Variants in PCDHA10 observed in about 807,000 individuals in gnomAD.
PCDHA10 encodes the protein protocadherin alpha 10, also known as protocadherin alpha-10.
Under a neutral mutation model 61.2 loss-of-function variants are expected in PCDHA10, and 45 were observed. That is an observed-to-expected ratio of 0.74 (90% CI 0.58 to 0.94). The LOEUF is 0.94. Ranked by LOEUF, PCDHA10 falls within the 40% of genes least tolerant of loss-of-function variation. PCDHA10 has a pLI of 0.00. For missense variants in PCDHA10, 1,278 were observed against 1,236.2 expected (o/e 1.03, Z -0.51); for synonymous variants, 602 against 548.8 (o/e 1.10, Z -1.35).
chr5:140,885,819 A>G (rs1488283542), intron 1 of PCDHA10, among the ~76,000 whole-genome samples: 1 of 152,032 alleles, frequency 6.6e-6, no homozygotes, highest in Non-Finnish European at 1.5e-5. Flanking sequence ...TTTGTATTTG[A>G]TCTTCTTTGA....
At chr5:140,955,296 G>A (rs1554221862) in intron 1 of PCDHA10, among the ~76,000 whole-genome samples, 1 of 151,904 alleles carries the variant, frequency 6.6e-6, no homozygotes, top group Admixed American at 6.6e-5. Context: ...GTTTGGCTGT[G>A]TCCCCACCCA....
chr5:140,934,534 G>A (rs1248269957), intron 1 of PCDHA10, among the ~76,000 whole-genome samples: 1 of 152,062 alleles, frequency 6.6e-6, no homozygotes, highest in Admixed American at 6.6e-5. Flanking sequence ...GAGAGCTACC[G>A]TTCTAATTCT....
At chr5:140,971,844 C>T (rs1209652703) in intron 1 of PCDHA10, among the ~76,000 whole-genome samples, 2 of 151,920 alleles carry the variant, frequency 1.3e-5, no homozygotes, top group African/African-American at 2.4e-5. Flanking sequence ...GCAAGTCATG[C>T]GTTAAATATT....
At chr5:140,904,164 T>C (rs1475689291) in intron 1 of PCDHA10, among the ~76,000 whole-genome samples, 1 of 152,078 alleles carries the variant, frequency 6.6e-6, no homozygotes, top group Non-Finnish European at 1.5e-5. Flanking sequence ...CAGTTTGTAG[T>C]CTTTTATTCC....
In PCDHA10 at chr5:140,875,325, G is replaced by C. The variant is rs1293166061; in HGVS notation, c.2388+16889G>C. 3 of 1,427,764 alleles carry C rather than the reference G, an allele frequency of 2.1e-6. No homozygotes were observed. The African/African-American group carries it at 4.3e-5, about 21-fold the overall frequency. 88.4% of individuals were successfully genotyped at this position (1,427,764 alleles called of 1,614,324 possible). A position where few individuals can be genotyped will look rare whatever the true frequency, so the allele number is the denominator to read the frequency against. On this transcript the variant is annotated intron_variant, in intron 1 of 3. Coordinates refer to ENST00000307360, the MANE Select transcript of PCDHA10 (RefSeq NM_018901.4). ...CCGCACCCACATTCCAATCATTCAC[G>C]GAATAGGATCGACTCCATAATGACT...
At chr5:140,895,206 AT>A (rs2064913908) in intron 1 of PCDHA10, among the ~76,000 whole-genome samples, 1 of 151,808 alleles carries the variant, frequency 6.6e-6, no homozygotes, top group Non-Finnish European at 1.5e-5. Flanking sequence ...ATTTGCTTTT[AT>A]TTCTAATATT....
At chr5:140,869,770 A>G in intron 1 of PCDHA10, 1 of 1,613,216 alleles carries the variant, frequency 6.2e-7, no homozygotes, top group South Asian at 1.1e-5. Flanking sequence ...ACCAGAGCTT[A>G]CTGGCACCGT....
At chr5:140,891,358 G>A (rs1002422244) in intron 1 of PCDHA10, among the ~76,000 whole-genome samples, 1 of 152,044 alleles carries the variant, frequency 6.6e-6, no homozygotes. Flanking sequence ...TCCATCACCT[G>A]AGCAGTATAC....
At chr5:140,936,419 TTTAA>T (rs1159041231) in intron 1 of PCDHA10, among the ~76,000 whole-genome samples, 4 of 152,184 alleles carry the variant, frequency 2.6e-5, no homozygotes, top group Non-Finnish European at 5.9e-5. Context: ...TGTTACTAAT[TTTAA>T]TTAATTTAAG....
chr5:140,884,450 AC>A, intron 1 of PCDHA10: 1 of 1,613,762 alleles, frequency 6.2e-7, no homozygotes, highest in Non-Finnish European at 8.5e-7. Context: ...GGCACCGCCC[AC>A]CGAGGGCGCG....
intron 1 of PCDHA10, chr5:140,869,328 G>C: frequency 1.2e-6 from 2 of 1,613,960 alleles, no homozygotes; most frequent in Non-Finnish European, 1.7e-6. Flanking sequence ...GGGACCTTCT[G>C]GAGGTAAATC....
At chr5:140,896,673 G>A (rs962137649) in intron 1 of PCDHA10, among the ~76,000 whole-genome samples, 12 of 152,000 alleles carry the variant, frequency 7.9e-5, no homozygotes, top group Admixed American at 2.6e-4. Context: ...CACTGTGCCC[G>A]GCCCTTTGCC....
intron 1 of PCDHA10, among the ~76,000 whole-genome samples, chr5:140,886,270 T>A (rs957205805): frequency 2.0e-5 from 3 of 151,996 alleles, no homozygotes; most frequent in Admixed American, 6.5e-5. Flanking sequence ...ATAGATAAAA[T>A]TTTTTAAAAT....
At chr5:140,942,638 A>T (rs1478847405) in intron 1 of PCDHA10, among the ~76,000 whole-genome samples, 1 of 152,122 alleles carries the variant, frequency 6.6e-6, no homozygotes, top group Non-Finnish European at 1.5e-5. Context: ...AAATGGCAAA[A>T]GAGATCTCAT....
At chr5:140,878,855 T>C (rs905851216) in intron 1 of PCDHA10, among the ~76,000 whole-genome samples, 3 of 152,250 alleles carry the variant, frequency 2.0e-5, no homozygotes, top group Admixed American at 6.5e-5. Context: ...TGGGTTCAAC[T>C]GATCCTCCAT....
intron 1 of PCDHA10, among the ~76,000 whole-genome samples, chr5:140,956,546 G>A (rs1330264002): frequency 1.3e-5 from 2 of 152,158 alleles, no homozygotes; most frequent in Non-Finnish European, 2.9e-5. Flanking sequence ...GCTGGATTTG[G>A]TTTGCCAGTA....
chr5:140,993,828 A>G (rs1170306716), intron 3 of PCDHA10, among the ~76,000 whole-genome samples: 1 of 152,226 alleles, frequency 6.6e-6, no homozygotes, highest in East Asian at 1.9e-4. Context: ...AGGCTATACC[A>G]TATAGCCTAG....
At chr5:140,870,502 A>G (rs781840750) in intron 1 of PCDHA10, 15 of 1,614,222 alleles carry the variant, frequency 9.3e-6, no homozygotes, top group Non-Finnish European at 1.2e-5. Context: ...GAAGGAGAAC[A>G]ACCCACCAGG....
At chr5:140,877,585 T>A (rs2057227188) in intron 1 of PCDHA10, 1 of 1,613,836 alleles carries the variant, frequency 6.2e-7, no homozygotes, top group Non-Finnish European at 8.5e-7. Flanking sequence ...CATCGCCATC[T>A]GTGCGGTGTC....
Sources: gnomAD v4.1 joint callset for allele counts (sites outside exome capture counted in the v4.1 genomes callset) on GRCh38, gnomAD v4.1.1 for gene constraint, MANE v1.5 for transcripts, NCBI Gene and HGNC (gene_info 2026-07-23, HGNC 2026-07-21) for gene names.